Variants in NLRP2B observed in about 807,000 individuals in gnomAD.
NLRP2B encodes NLR family pyrin domain-containing protein 2B.
For missense variants in NLRP2B, 25 were observed against 6.8 expected (o/e 3.70, Z -3.00); for synonymous variants, 16 against 3.5 (o/e 4.63, Z -4.03).
chrX:57,679,845 G>A lies in NLRP2B; in HGVS notation c.*278C>T, dbSNP rs1468191680. The A allele has an allele frequency of 1.1e-5, 3 of 285,702 alleles. No homozygotes were observed. The highest frequency in any genetic ancestry group is 1.8e-5 in the Non-Finnish European group (3 of 165,791). 23.5% of individuals were successfully genotyped at this position (285,702 alleles called of 1,213,427 possible). On this transcript the variant is annotated 3_prime_UTR_variant, in exon 1 of 1. Coordinates refer to ENST00000434992, the MANE Select transcript of NLRP2B (RefSeq NM_001319967.1). ...AGACTTCTTTAGCTTCTCTTAGGCT[G>A]GTGACATCTTCCTCCGTTTCTATAA...
chrX:57,679,873 TC>T lies in NLRP2B; in HGVS notation c.*249del, dbSNP rs1203486587. ...GACATCTTCCTCCGTTTCTATAAAC[TC>T]TAGTGCTTCTGCTTCGAAACGCCCC... On this transcript the variant is annotated 3_prime_UTR_variant, in exon 1 of 1. Transcript: ENST00000434992. The T allele has an allele frequency of 6.9e-6, 2 of 287,953 alleles. No homozygotes were observed. Among genetic ancestry groups the T allele is most frequent in the African/African-American group, 5.5e-5 (2 of 36,131 alleles). 23.7% of individuals were successfully genotyped at this position (287,953 alleles called of 1,213,427 possible). A position where few individuals can be genotyped will look rare whatever the true frequency, so the allele number is the denominator to read the frequency against.
At position 57,677,103 on chromosome X, in the gene NLRP2B, C is replaced by A. The variant is rs897463604; in HGVS notation, c.*3020G>T. 6 of 266,932 alleles carry A rather than the reference C, an allele frequency of 2.2e-5. No individual in the cohort carries two copies. The highest frequency in any genetic ancestry group is 4.2e-5 in the Non-Finnish European group (6 of 142,654). 22.0% of individuals were successfully genotyped at this position (266,932 alleles called of 1,213,427 possible). A position where few individuals can be genotyped will look rare whatever the true frequency, so the allele number is the denominator to read the frequency against. On this transcript the variant is annotated 3_prime_UTR_variant, in exon 1 of 1. Coordinates refer to ENST00000434992, the MANE Select transcript of NLRP2B (RefSeq NM_001319967.1). ...AATGAAAAGAAAGCCTTTTTTCCCC[C>A]CCAAAGGATCATGTTTCTCAGTTAT...
Position 57,677,726 on chromosome X carries a change from A to G in NLRP2B, c.*2397T>C. The G allele has an allele frequency of 2.6e-6, 1 of 388,878 alleles. No individual in the cohort carries two copies. 32.0% of individuals were successfully genotyped at this position (388,878 alleles called of 1,213,427 possible). A position where few individuals can be genotyped will look rare whatever the true frequency, so the allele number is the denominator to read the frequency against. On this transcript the variant is annotated 3_prime_UTR_variant, in exon 1 of 1. Transcript: ENST00000434992. Reference sequence around the variant, plus strand: ...TCTATAAAGTGACAGTTTTCCAACAACAACCTCGGCAGGAAGCATTTTGGG... The same window carrying G: ...TCTATAAAGTGACAGTTTTCCAACAGCAACCTCGGCAGGAAGCATTTTGGG...
In NLRP2B at chrX:57,677,227, C is replaced by T. The variant is rs2011711905; in HGVS notation, c.*2896G>A. ...TTTCAACCTGAGTGTCTGGAGGGTG[C>T]AATTTGGATGTGTCAAGGTTTCAAA... is the stretch of plus-strand genomic sequence containing the variant. On this transcript the variant is annotated 3_prime_UTR_variant, in exon 1 of 1. Coordinates refer to ENST00000434992, the MANE Select transcript of NLRP2B (RefSeq NM_001319967.1). The T allele has an allele frequency of 2.6e-6, 1 of 384,815 alleles. No individual in the cohort carries two copies. 31.7% of individuals were successfully genotyped at this position (384,815 alleles called of 1,213,427 possible). A position where few individuals can be genotyped will look rare whatever the true frequency, so the allele number is the denominator to read the frequency against.
rs1271908681 is a variant in NLRP2B, at chrX:57,677,978, G to A, written c.*2145C>T. 2.1e-6 allele frequency: 1 copy of A among 477,128 alleles called. No homozygotes were observed. Among genetic ancestry groups the A allele is most frequent in the Non-Finnish European group, 3.8e-6 (1 of 260,210 alleles). 39.3% of individuals were successfully genotyped at this position (477,128 alleles called of 1,213,427 possible). A position where few individuals can be genotyped will look rare whatever the true frequency, so the allele number is the denominator to read the frequency against. ...ATATCATTCTGGTCATTGCCTTGAA[G>A]GGTCAGATATCTTACAGTCTTGTGA... On this transcript the variant is annotated 3_prime_UTR_variant, in exon 1 of 1. Coordinates refer to ENST00000434992, the MANE Select transcript of NLRP2B (RefSeq NM_001319967.1).
Position 57,680,110 on chromosome X carries a change from C to T in NLRP2B, c.*13G>A. 2.2e-6 allele frequency: 1 copy of T among 456,896 alleles called. No individual in the cohort carries two copies. The highest frequency in any genetic ancestry group is 3.8e-5 in the East Asian group (1 of 26,463). The allele number at this position is 456,896 out of a possible 1,213,427, so 37.7% of individuals were successfully genotyped here. ...ATGATTTCTGCCAGTTGCTTCCCAT[C>T]AGCCTTGTCTACCTATGTCTGGGGG... is the stretch of plus-strand genomic sequence containing the variant. On this transcript the variant is annotated 3_prime_UTR_variant, in exon 1 of 1. Transcript: ENST00000434992.
In NLRP2B at chrX:57,678,287, T is replaced by C. The variant is rs972290856; in HGVS notation, c.*1836A>G. On this transcript the variant is annotated 3_prime_UTR_variant, in exon 1 of 1. Coordinates refer to ENST00000434992, the MANE Select transcript of NLRP2B (RefSeq NM_001319967.1). Reference sequence around the variant, plus strand: ...GTGACATTCTCTGGGAGCTTTGCCTTTGCTGCCTGCAGTGGCATTTTCTGC... The same window carrying C: ...GTGACATTCTCTGGGAGCTTTGCCTCTGCTGCCTGCAGTGGCATTTTCTGC... 3.7e-6 allele frequency: 2 copies of C among 540,317 alleles called. No homozygotes were observed. The highest frequency in any genetic ancestry group is 2.3e-5 in the Admixed American group (1 of 44,011). The allele number at this position is 540,317 out of a possible 1,213,427, so 44.5% of individuals were successfully genotyped here. A position where few individuals can be genotyped will look rare whatever the true frequency, so the allele number is the denominator to read the frequency against.
In NLRP2B at chrX:57,678,693, GTCCTCC is replaced by G. The variant is rs916975790; in HGVS notation, c.*1424_*1429del. On this transcript the variant is annotated 3_prime_UTR_variant, in exon 1 of 1. Transcript: ENST00000434992. ...CATTGTCCCAGGCGTGGCCGTCCTT[GTCCTCC>G]TCCTCCTCCTCCTCCTCCTTCTCCA... 5.3e-5 allele frequency: 21 copies of G among 398,190 alleles called. No homozygotes were observed. The highest frequency in any genetic ancestry group is 9.7e-5 in the South Asian group (3 of 30,995). The allele number at this position is 398,190 out of a possible 1,213,427, so 32.8% of individuals were successfully genotyped here. A position where few individuals can be genotyped will look rare whatever the true frequency, so the allele number is the denominator to read the frequency against.
chrX:57,680,214 C>G lies in NLRP2B; in HGVS notation c.47G>C (p.Gly16Ala). The G allele has an allele frequency of 2.6e-6, 1 of 379,293 alleles. No individual in the cohort carries two copies. The highest frequency in any genetic ancestry group is 4.0e-5 in the Admixed American group (1 of 25,155). 31.3% of individuals were successfully genotyped at this position (379,293 alleles called of 1,213,427 possible). The change falls in exon 1 of 1, where the codon GGA (glycine) becomes GCA (alanine). Residue 16 changes from glycine (G) to alanine (A), a missense_variant. By Grantham distance (60) the Gly-to-Ala change is moderately conservative. Transcript: ENST00000434992. Reference protein sequence around the residue: ...QLDFNLQALLGQLSQDDLCKF... With the variant: ...QLDFNLQALLAQLSQDDLCKF... ...GCACAAGTCATCCTGGCTGAGCTGT[C>G]CCAGAAGAGCCTGCAGGTTGAAGTC...
Position 57,678,228 on chromosome X carries a change from G to A in NLRP2B, c.*1895C>T, listed in dbSNP as rs2011727843. The A allele has an allele frequency of 5.6e-6, 3 of 533,721 alleles. No individual in the cohort carries two copies. The African/African-American group carries it at 6.8e-5, about 12-fold the overall frequency. The allele number at this position is 533,721 out of a possible 1,213,427, so 44.0% of individuals were successfully genotyped here. On this transcript the variant is annotated 3_prime_UTR_variant, in exon 1 of 1. Coordinates refer to ENST00000434992, the MANE Select transcript of NLRP2B (RefSeq NM_001319967.1). ...AAGGAAGCATGTGTTGATCATCCTG[G>A]GATCTCTCAACTTCAGCATCTGATT...
rs2011743113 is a variant in NLRP2B at position 57,679,139 on chromosome X, C to T, written c.*984G>A. 1 of 474,218 alleles carries T rather than the reference C, an allele frequency of 2.1e-6. No individual in the cohort carries two copies. Among genetic ancestry groups the T allele is most frequent in the Non-Finnish European group, 3.9e-6 (1 of 253,619 alleles). 39.1% of individuals were successfully genotyped at this position (474,218 alleles called of 1,213,427 possible). ...GCTCAAAGGCACACATGGCTTGGTC[C>T]TCGTCTCCAAAGTGTCTCAGGAAAT... On this transcript the variant is annotated 3_prime_UTR_variant, in exon 1 of 1. Coordinates refer to ENST00000434992, the MANE Select transcript of NLRP2B (RefSeq NM_001319967.1).
Position 57,678,983 on chromosome X carries a change from G to A in NLRP2B, c.*1140C>T, listed in dbSNP as rs1166391761. ...TGCGGGAACCGGCCGCAAAGGAAGCGCAGGAACAGCCCCGTGCGGGTGGGG... is the reference window on the plus strand; with the variant it reads ...TGCGGGAACCGGCCGCAAAGGAAGCACAGGAACAGCCCCGTGCGGGTGGGG... On this transcript the variant is annotated 3_prime_UTR_variant, in exon 1 of 1. Coordinates refer to ENST00000434992, the MANE Select transcript of NLRP2B (RefSeq NM_001319967.1). The A allele has an allele frequency of 6.7e-6, 3 of 450,223 alleles. No individual in the cohort carries two copies. Among genetic ancestry groups the A allele is most frequent in the South Asian group, 2.8e-5 (1 of 35,165 alleles). 37.1% of individuals were successfully genotyped at this position (450,223 alleles called of 1,213,427 possible).
In NLRP2B at chrX:57,679,757, G is replaced by A. The variant is rs184283630; in HGVS notation, c.*366C>T. ...TCTCCAGGCCAGGTTTTCCACATTT[G>A]CCAGAACTTCGTCTTCAATATACTC... On this transcript the variant is annotated 3_prime_UTR_variant, in exon 1 of 1. Coordinates refer to ENST00000434992, the MANE Select transcript of NLRP2B (RefSeq NM_001319967.1). The A allele has an allele frequency of 8.8e-5, 33 of 375,156 alleles. No individual in the cohort carries two copies. The highest frequency in any genetic ancestry group is 6.1e-4 in the African/African-American group (24 of 39,217). 30.9% of individuals were successfully genotyped at this position (375,156 alleles called of 1,213,427 possible).
chrX:57,679,806 CT>C lies in NLRP2B; in HGVS notation c.*316del. ...TCCTGTACCTATCCTCTTTACCTGG[CT>C]TTTCTCCTTTCAAGACTTCTTTAGC... is the stretch of plus-strand genomic sequence containing the variant. On this transcript the variant is annotated 3_prime_UTR_variant, in exon 1 of 1. Transcript: ENST00000434992. 6.8e-6 allele frequency: 2 copies of C among 292,664 alleles called. No individual in the cohort carries two copies. The highest frequency in any genetic ancestry group is 1.2e-5 in the Non-Finnish European group (2 of 168,233). The allele number at this position is 292,664 out of a possible 1,213,427, so 24.1% of individuals were successfully genotyped here. A position where few individuals can be genotyped will look rare whatever the true frequency, so the allele number is the denominator to read the frequency against.
chrX:57,679,481 C>T lies in NLRP2B; in HGVS notation c.*642G>A. 1.0e-6 allele frequency: 1 copy of T among 964,642 alleles called. No homozygotes were observed. Among genetic ancestry groups the T allele is most frequent in the Non-Finnish European group, 1.5e-6 (1 of 674,175 alleles). The allele number at this position is 964,642 out of a possible 1,213,427, so 79.5% of individuals were successfully genotyped here. ...TGCAATTCAGGCCAGTTCCTGAAGA[C>T]CAGCTCTGCAAAACTGCACGGGCCC... is the stretch of plus-strand genomic sequence containing the variant. On this transcript the variant is annotated 3_prime_UTR_variant, in exon 1 of 1. Coordinates refer to ENST00000434992, the MANE Select transcript of NLRP2B (RefSeq NM_001319967.1).
chrX:57,679,369 G>A lies in NLRP2B; in HGVS notation c.*754C>T, dbSNP rs2011747953. The A allele has an allele frequency of 2.9e-6, 2 of 698,032 alleles. No homozygotes were observed. Among genetic ancestry groups the A allele is most frequent in the African/African-American group, 4.3e-5 (2 of 47,058 alleles). The allele number at this position is 698,032 out of a possible 1,213,427, so 57.5% of individuals were successfully genotyped here. A position where few individuals can be genotyped will look rare whatever the true frequency, so the allele number is the denominator to read the frequency against. ...GTCCCCACAGATGTCCTAGATCAGT[G>A]CCCCAGGTGGGGCTCCCAGCTCATC... On this transcript the variant is annotated 3_prime_UTR_variant, in exon 1 of 1. Transcript: ENST00000434992.
Position 57,679,199 on chromosome X carries a change from C to T in NLRP2B, c.*924G>A. 1 of 459,440 alleles carries T rather than the reference C, an allele frequency of 2.2e-6. No homozygotes were observed. Among genetic ancestry groups the T allele is most frequent in the South Asian group, 2.8e-5 (1 of 35,244 alleles). The allele number at this position is 459,440 out of a possible 1,213,427, so 37.9% of individuals were successfully genotyped here. On this transcript the variant is annotated 3_prime_UTR_variant, in exon 1 of 1. Transcript: ENST00000434992. ...TGTCCTTCTCCAGGAACTCCTCCAC[C>T]CTTACATAGATCGGCCGCTCCACCA... is the stretch of plus-strand genomic sequence containing the variant.
rs780087104 is a variant in NLRP2B at position 57,677,623 on chromosome X, G to C, written c.*2500C>G. Reference sequence around the variant, plus strand: ...AAACATCACCCATGTATCCCCGAGTGGGGGGTTCTTGGCCAAGCACAGGTG... The same window carrying C: ...AAACATCACCCATGTATCCCCGAGTCGGGGGTTCTTGGCCAAGCACAGGTG... On this transcript the variant is annotated 3_prime_UTR_variant, in exon 1 of 1. Coordinates refer to ENST00000434992, the MANE Select transcript of NLRP2B (RefSeq NM_001319967.1). The C allele has an allele frequency of 1.3e-5, 4 of 298,154 alleles. No homozygotes were observed. Among genetic ancestry groups the C allele is most frequent in the East Asian group, 1.5e-4 (2 of 13,342 alleles). The allele number at this position is 298,154 out of a possible 1,213,427, so 24.6% of individuals were successfully genotyped here.
In NLRP2B at chrX:57,678,997, G is replaced by T. The variant is rs1023996487; in HGVS notation, c.*1126C>A. The stretch of plus-strand genomic sequence containing the variant: ...GCAAAGGAAGCGCAGGAACAGCCCC[G>T]TGCGGGTGGGGCGGGTCCTTCCCCT... On this transcript the variant is annotated 3_prime_UTR_variant, in exon 1 of 1. Coordinates refer to ENST00000434992, the MANE Select transcript of NLRP2B (RefSeq NM_001319967.1). 4 of 450,806 alleles carry T rather than the reference G, an allele frequency of 8.9e-6. No individual in the cohort carries two copies. The highest frequency in any genetic ancestry group is 5.7e-5 in the South Asian group (2 of 35,227). The allele number at this position is 450,806 out of a possible 1,213,427, so 37.2% of individuals were successfully genotyped here. A position where few individuals can be genotyped will look rare whatever the true frequency, so the allele number is the denominator to read the frequency against.
Sources: gnomAD v4.1 joint callset for allele counts on GRCh38, gnomAD v4.1.1 for gene constraint, MANE v1.5 for transcripts, NCBI Gene and HGNC (gene_info 2026-07-23, HGNC 2026-07-21) for gene names.